The following FSTL5 variants were observed in gnomAD, a reference collection of about 807,000 sequenced individuals.
The protein encoded by FSTL5 is follistatin-related protein 5.
A neutral mutation model predicts 89.1 loss-of-function variants in FSTL5; 62 were observed. That is an observed-to-expected ratio of 0.70 (90% CI 0.57 to 0.86). The LOEUF (loss-of-function observed/expected upper bound fraction) is 0.86, where lower values mean the gene tolerates loss of function less well. Among genes scored for constraint, FSTL5 ranks in the 40% least tolerant of loss-of-function variants. The probability of loss-of-function intolerance (pLI) is 0.00; values close to 1 mark genes in which losing one functional copy is unlikely to be tolerated. For synonymous variants in FSTL5, 383 were observed against 346.2 expected, an observed-to-expected ratio of 1.11 and a Z score of -1.18; for missense variants, 1,057 against 1,001.6, an observed-to-expected ratio of 1.06 and a Z score of -0.75.
chr4:161,863,926 G>C (rs561765821), intron 4 of FSTL5, among the ~76,000 whole-genome samples: 2 of 152,192 alleles, frequency 1.3e-5, no homozygotes, highest in East Asian at 3.9e-4. Flanking sequence ...GATTTTATCA[G>C]TGAAAAAAAT....
chr4:161,650,160 A>G (rs1262430543), intron 7 of FSTL5, among the ~76,000 whole-genome samples: 4 of 152,210 alleles, frequency 2.6e-5, no homozygotes, highest in Non-Finnish European at 5.9e-5. Context: ...GAAAATACTA[A>G]GAGGAACAAT....
At chr4:161,453,766 G>A in intron 15 of FSTL5, among the ~76,000 whole-genome samples, 1 of 151,940 alleles carries the variant, frequency 6.6e-6, no homozygotes, top group East Asian at 1.9e-4. Context: ...GCTAATTTTT[G>A]TAATTTTAAT....
chr4:161,489,514 T>C (rs1729793351), intron 12 of FSTL5, among the ~76,000 whole-genome samples: 2 of 152,156 alleles, frequency 1.3e-5, no homozygotes, highest in African/African-American at 4.8e-5. Context: ...TGAGGGTTTA[T>C]GGATGAAACT....
At chr4:161,851,892 TAC>T (rs140056514) in intron 4 of FSTL5, among the ~76,000 whole-genome samples, 185 of 149,900 alleles carry the variant, frequency 1.2e-3, no homozygotes, top group Non-Finnish European at 1.9e-3. Flanking sequence ...ATCTCATCCC[TAC>T]ACACACACAC....
intron 4 of FSTL5, among the ~76,000 whole-genome samples, chr4:161,886,140 A>G (rs1732799760): frequency 6.6e-6 from 1 of 152,176 alleles, no homozygotes; most frequent in Non-Finnish European, 1.5e-5. Context: ...TTACTATCTG[A>G]TTTGGGAGAG....
intron 3 of FSTL5, among the ~76,000 whole-genome samples, chr4:161,926,297 T>A (rs1196077825): frequency 6.6e-6 from 1 of 151,854 alleles, no homozygotes; most frequent in African/African-American, 2.4e-5. Context: ...GGTCACATAA[T>A]CTGTAGTTCA....
chr4:161,691,146 C>T (rs982481423), intron 6 of FSTL5, among the ~76,000 whole-genome samples: 2 of 151,626 alleles, frequency 1.3e-5, no homozygotes, highest in African/African-American at 4.8e-5. Flanking sequence ...AATATTTGCC[C>T]CTGTTTTTTT....
At chr4:161,459,373 G>T in intron 13 of FSTL5, 54 bp from the exon 14 acceptor site, 1 of 1,024,084 alleles carries the variant, frequency 9.8e-7, no homozygotes, top group Non-Finnish European at 1.5e-6. Flanking sequence ...TTAGTTTAAA[G>T]CTAGGCCAGA....
chr4:161,704,254 T>C (rs1368435582), intron 6 of FSTL5, among the ~76,000 whole-genome samples: 1 of 152,174 alleles, frequency 6.6e-6, no homozygotes, highest in African/African-American at 2.4e-5. Context: ...TGCCTTTGTT[T>C]CGAGTTGTCC....
At chr4:162,043,968 AG>A (rs1738075351) in intron 2 of FSTL5, among the ~76,000 whole-genome samples, 1 of 152,142 alleles carries the variant, frequency 6.6e-6, no homozygotes, top group African/African-American at 2.4e-5. Context: ...CCTTCACTGA[AG>A]GGTGGAATCA....
intron 6 of FSTL5, 146 bp downstream of exon 6, chr4:161,759,265 C>T (rs1295954143): frequency 1.5e-6 from 1 of 661,960 alleles, no homozygotes. Flanking sequence ...TCATATGTTT[C>T]AATACAACTT....
At chr4:161,793,020 G>C (rs143556071) in intron 4 of FSTL5, among the ~76,000 whole-genome samples, 23 of 152,318 alleles carry the variant, frequency 1.5e-4, no homozygotes, top group Admixed American at 2.0e-4. Context: ...TGCAGTTCCT[G>C]TCATCTCCAA....
intron 7 of FSTL5, among the ~76,000 whole-genome samples, chr4:161,636,668 T>C (rs539601179): frequency 6.3e-4 from 92 of 147,014 alleles, no homozygotes; most frequent in African/African-American, 2.2e-3. Flanking sequence ...TGTGTCCATG[T>C]GATCTCATTG....
rs1737271045 is a variant in FSTL5, at chr4:161,675,513, T to C, written c.728-19019A>G. Among the ~76,000 whole-genome samples the C allele has an allele frequency of 3.3e-5, 5 of 150,636 alleles. No individual in the cohort carries two copies. The Admixed American group carries it at 3.3e-4, about 10-fold the overall frequency. Reference sequence around the variant, plus strand: ...ACTGAGTTCAGAGAAATTATCTTTATATAATTCATTTTTTATTTATCAAAA... The same window carrying C: ...ACTGAGTTCAGAGAAATTATCTTTACATAATTCATTTTTTATTTATCAAAA... On this transcript the variant is annotated intron_variant, in intron 6 of 15. Transcript: ENST00000306100.
At chr4:161,744,597 C>T (rs911516649) in intron 6 of FSTL5, among the ~76,000 whole-genome samples, 2 of 152,118 alleles carry the variant, frequency 1.3e-5, no homozygotes, top group Non-Finnish European at 2.9e-5. Flanking sequence ...AATTCATCCA[C>T]TGCTAACTAG....
At chr4:161,665,880 T>A (rs541071292) in intron 6 of FSTL5, among the ~76,000 whole-genome samples, 212 of 150,560 alleles carry the variant, frequency 1.4e-3, no homozygotes, top group Non-Finnish European at 2.3e-3. Context: ...AAAAAGAAGA[T>A]GAAGAAGAAG....
At chr4:162,071,611 C>T (rs890298200) in intron 2 of FSTL5, among the ~76,000 whole-genome samples, 6 of 151,628 alleles carry the variant, frequency 4.0e-5, no homozygotes, top group Non-Finnish European at 8.9e-5. Context: ...AGCATAGAAA[C>T]CTTGAACTTA....
rs188404521 is a variant in FSTL5, at chr4:161,918,922, G to T, written c.409+1482C>A. Among the ~76,000 whole-genome samples, 537 of 151,702 alleles carry T rather than the reference G, an allele frequency of 3.5e-3. 6 individuals are homozygous for T. Among genetic ancestry groups the T allele is most frequent in the African/African-American group, 0.012 (502 of 41,258 alleles). ...CCTCCGAAAGTGCTGGGATTACCAG[G>T]GTGAGCCACCATGCCAGGACCCCAC... On this transcript the variant is annotated intron_variant, in intron 4 of 15. Coordinates refer to ENST00000306100, the MANE Select transcript of FSTL5 (RefSeq NM_020116.5).
intron 2 of FSTL5, among the ~76,000 whole-genome samples, chr4:162,082,232 T>C (rs1730129081): frequency 6.7e-6 from 1 of 150,294 alleles, no homozygotes. Context: ...TGGTTTGATT[T>C]TGAGAGTTTG....
Sources: gnomAD v4.1 joint callset for allele counts (sites outside exome capture counted in the v4.1 genomes callset) on GRCh38, gnomAD v4.1.1 for gene constraint, MANE v1.5 for transcripts, NCBI Gene and HGNC (gene_info 2026-07-23, HGNC 2026-07-21) for gene names.